The following ERCC6 variants were observed in gnomAD, a reference collection of about 807,000 sequenced individuals.
The protein encoded by ERCC6 is ERCC excision repair 6, chromatin remodeling factor, also known as DNA excision repair protein ERCC-6.
A neutral mutation model predicts 158.7 loss-of-function variants in ERCC6; 116 were observed. The observed-to-expected ratio is 0.73, with a 90% CI of 0.63 to 0.85. The LOEUF is 0.85. Ranked by LOEUF, ERCC6 falls within the 40% of genes least tolerant of loss-of-function variation. ERCC6 has a pLI of 0.00. For synonymous variants in ERCC6, 678 were observed against 659.3 expected, an observed-to-expected ratio of 1.03 and a Z score of -0.43; for missense variants, 1,698 against 1,799.4, an observed-to-expected ratio of 0.94 and a Z score of 1.02.
chr10:49,444,824 A>G, the ERCC6 span, among the ~76,000 whole-genome samples: 2 of 152,154 alleles, frequency 1.3e-5, no homozygotes, highest in Non-Finnish European at 2.9e-5. Context: ...GCATGCATGC[A>G]CACACACACA....
At chr10:49,452,835 A>G (rs1210524910), downstream of ERCC6, among the ~76,000 whole-genome samples, 2 of 152,052 alleles carry the variant, frequency 1.3e-5, no homozygotes, top group Non-Finnish European at 2.9e-5. Flanking sequence ...TATCTCTAGG[A>G]GCATTTTTGT....
chr10:49,473,158 A>C lies in ERCC6; in HGVS notation c.2710-130T>G. ...AATATAAGGAATGGTAATGTCCTAGAGACCTCTGGTGAATCAAAATCTCAT... is the reference window on the plus strand; with the variant it reads ...AATATAAGGAATGGTAATGTCCTAGCGACCTCTGGTGAATCAAAATCTCAT... On this transcript the variant is annotated intron_variant, in intron 14 of 20. Transcript: ENST00000355832. The C allele has an allele frequency of 1.6e-6, 2 of 1,229,322 alleles. 1 individual carries two copies. Among genetic ancestry groups the C allele is most frequent in the East Asian group, 4.9e-5 (2 of 41,226 alleles). The allele number at this position is 1,229,322 out of a possible 1,614,324, so 76.2% of individuals were successfully genotyped here.
downstream of ERCC6, among the ~76,000 whole-genome samples, chr10:49,449,708 C>T (rs375005996): frequency 2.3e-4 from 34 of 150,750 alleles, 1 homozygote; most frequent in African/African-American, 4.9e-4. Flanking sequence ...CACGCCACCA[C>T]GCCCAGCTAA....
chr10:49,460,054 G>A (rs1460359062), intron 20 of ERCC6: 5 of 424,098 alleles, frequency 1.2e-5, no homozygotes, highest in Non-Finnish European at 2.2e-5. Flanking sequence ...TCAGAGGGTT[G>A]TGGTCTCTGG....
At position 49,472,430 on chromosome 10, in the gene ERCC6, A is replaced by C. The variant is rs1850797114; in HGVS notation, c.2870T>G (p.Val957Gly). The stretch of plus-strand genomic sequence containing the variant: ...CGCAGTCAGGAGCCTGTACACAGTC[A>C]CTTGCTTCTTCTGGCCTATTCTCCA... Reference protein sequence around the residue: ...RAWRIGQKKQVTVYRLLTAGT... With the variant: ...RAWRIGQKKQGTVYRLLTAGT... The change falls in exon 16 of 21, where the codon GTG becomes GGG. Residue 957 changes from valine (V) to glycine (G), a missense_variant. Coordinates refer to ENST00000355832, the MANE Select transcript of ERCC6 (RefSeq NM_000124.4). 6.2e-7 allele frequency: 1 copy of C among 1,614,166 alleles called. No individual in the cohort carries two copies. The highest frequency in any genetic ancestry group is 8.5e-7 in the Non-Finnish European group (1 of 1,180,020).
At chr10:49,515,532 C>T in intron 5 of ERCC6, 1 of 1,614,056 alleles carries the variant, frequency 6.2e-7, no homozygotes. Flanking sequence ...TGGAGGATGA[C>T]CATGGGTCTC....
downstream of ERCC6, among the ~76,000 whole-genome samples, chr10:49,452,193 A>G (rs1372513525): frequency 6.6e-6 from 1 of 151,812 alleles, no homozygotes; most frequent in African/African-American, 2.4e-5. Context: ...AAGGTGGAAG[A>G]AAGGTTATTG....
intron 18 of ERCC6, among the ~76,000 whole-genome samples, chr10:49,467,883 G>A (rs552445244): frequency 1.2e-4 from 18 of 152,068 alleles, no homozygotes; most frequent in African/African-American, 4.3e-4. Context: ...TTTTTTATTG[G>A]GTTCCAGACA....
Position 49,524,193 on chromosome 10 carries a change from G to T in ERCC6, c.1237C>A (p.Arg413=). 6.2e-7 allele frequency: 1 copy of T among 1,613,970 alleles called. No homozygotes were observed. Among genetic ancestry groups the T allele is most frequent in the Non-Finnish European group, 8.5e-7 (1 of 1,180,006 alleles). Residue 413 remains arginine (R), a synonymous_variant, in exon 5 of 21, where the codon CGG becomes AGG. Transcript: ENST00000355832. ...TCCTGCACTGGCACTTTCTTCTGCC[G>T]TTTCCCGCCCTTGGGCAGAGGCTTC... ...ELKPLPKGGK[R]QKKVPVQEID... is the part of the protein sequence containing the mutation.
chr10:49,476,919 A>G (rs1391226482), intron 11 of ERCC6, among the ~76,000 whole-genome samples: 1 of 152,038 alleles, frequency 6.6e-6, no homozygotes, highest in East Asian at 1.9e-4. Context: ...GACCCCTTTC[A>G]ACCCCCTGCA....
chr10:49,458,478 G>GCA lies in ERCC6; in HGVS notation c.*335_*336dup. 3.5e-6 allele frequency: 1 copy of GCA among 286,050 alleles called. No individual in the cohort carries two copies. The highest frequency in any genetic ancestry group is 4.2e-5 in the South Asian group (1 of 23,712). 17.7% of individuals were successfully genotyped at this position (286,050 alleles called of 1,614,324 possible). Reference sequence around the variant, plus strand: ...AAAAAAATATTGAGATTTCTGTTCTGCAAACTTCTAACTGTGCTCCCTGAC... The same window carrying GCA: ...AAAAAAATATTGAGATTTCTGTTCTGCACAAACTTCTAACTGTGCTCCCTGAC... On this transcript the variant is annotated 3_prime_UTR_variant, in exon 21 of 21. Coordinates refer to ENST00000355832, the MANE Select transcript of ERCC6 (RefSeq NM_000124.4).
At chr10:49,503,247 G>A (rs1851384952) in intron 6 of ERCC6, 2 of 152,162 alleles carry the variant, frequency 1.3e-5, no homozygotes. Flanking sequence ...GAACCTGAGA[G>A]GGGGTTAAGA....
chr10:49,468,020 A>T (rs1316884107), intron 18 of ERCC6, among the ~76,000 whole-genome samples: 1 of 152,204 alleles, frequency 6.6e-6, no homozygotes, highest in Non-Finnish European at 1.5e-5. Context: ...CCTACTCTGT[A>T]TCATACCCAA....
chr10:49,485,671 T>C (rs1851064473), intron 8 of ERCC6, among the ~76,000 whole-genome samples: 2 of 152,228 alleles, frequency 1.3e-5, no homozygotes, highest in African/African-American at 2.4e-5. Flanking sequence ...GAGAAAAATA[T>C]GTTAAAATAC....
chr10:49,495,240 C>T (rs1322007412), intron 7 of ERCC6, among the ~76,000 whole-genome samples: 1 of 152,090 alleles, frequency 6.6e-6, no homozygotes, highest in African/African-American at 2.4e-5. Flanking sequence ...CAAAACTAAC[C>T]GTGGCAACCT....
intron 7 of ERCC6, 62 bp from the exon 8 acceptor site, chr10:49,493,314 C>G: frequency 6.3e-7 from 1 of 1,595,282 alleles, no homozygotes; most frequent in Admixed American, 1.7e-5. Context: ...ATCAACTGCT[C>G]AAAAGATCCC....
At chr10:49,435,048 A>G in the ERCC6 span, among the ~76,000 whole-genome samples, 70 of 152,354 alleles carry the variant, frequency 4.6e-4, no homozygotes, top group African/African-American at 1.7e-3. Context: ...CTATACTTAC[A>G]TTAGACAAAA....
chr10:49,478,271 C>G (rs1850912818), intron 11 of ERCC6, 83 bp downstream of exon 11: 1 of 998,126 alleles, frequency 1.0e-6, no homozygotes, highest in African/African-American at 1.6e-5. Flanking sequence ...ACCAGACTCT[C>G]TCATCCGCAG....
At chr10:49,464,909 C>A (rs557311144) in intron 18 of ERCC6, among the ~76,000 whole-genome samples, 30 of 152,350 alleles carry the variant, frequency 2.0e-4, no homozygotes, top group African/African-American at 6.7e-4. Flanking sequence ...TGGAGAATCT[C>A]TCCTAGGGCA....
Sources: gnomAD v4.1 joint callset for allele counts (sites outside exome capture counted in the v4.1 genomes callset) on GRCh38, gnomAD v4.1.1 for gene constraint, MANE v1.5 for transcripts, NCBI Gene and HGNC (gene_info 2026-07-23, HGNC 2026-07-21) for gene names.